CSMD2: variants seen among roughly 807,000 people sequenced by gnomAD.
The protein encoded by CSMD2 is CUB and Sushi multiple domains 2, also known as CUB and sushi domain-containing protein 2.
Under a neutral mutation model 398.5 loss-of-function variants are expected in CSMD2, and 130 were observed. That is an observed-to-expected ratio of 0.33 (90% CI 0.28 to 0.38). The LOEUF (loss-of-function observed/expected upper bound fraction) is 0.38, where lower values mean the gene tolerates loss of function less well. Ranked by LOEUF, CSMD2 falls within the 10% of genes least tolerant of loss-of-function variation. CSMD2 has a pLI of 1.00. For synonymous variants in CSMD2, 1,828 were observed against 1,908.5 expected (o/e 0.96, Z 1.10); for missense variants, 3,829 against 4,764.9 (o/e 0.80, Z 5.78).
chr1:33,548,752 T>C (rs1657148628), intron 56 of CSMD2, among the ~76,000 whole-genome samples: 1 of 152,246 alleles, frequency 6.6e-6, no homozygotes, highest in Admixed American at 6.5e-5. Flanking sequence ...AGCCTTTGCG[T>C]ACATTGAATT....
intron 5 of CSMD2, among the ~76,000 whole-genome samples, chr1:33,871,382 A>G (rs1375811896): frequency 6.6e-6 from 1 of 152,172 alleles, no homozygotes; most frequent in Non-Finnish European, 1.5e-5. Flanking sequence ...GGGGGCTTAA[A>G]AGAAGTGATG....
At position 33,567,740 on chromosome 1, in the gene CSMD2, T is replaced by C. The variant is rs764353635; in HGVS notation, c.8233A>G (p.Ile2745Val). ...KAGHCGTPEP[I>V]VNGHINGENY... ...TCCCCATTGATGTGTCCGTTGACAA[T>C]GGGCTCAGGAGTCCCACAGTGTCCA... is the stretch of plus-strand genomic sequence containing the variant. The change falls in exon 53 of 71, where the codon ATT becomes GTT. Residue 2745 changes from isoleucine to valine, a missense_variant. Transcript: ENST00000373381. 1.2e-5 allele frequency: 20 copies of C among 1,614,058 alleles called. No individual in the cohort carries two copies. The highest frequency in any genetic ancestry group is 1.7e-5 in the Non-Finnish European group (20 of 1,180,018).
At chr1:33,874,821 G>T (rs925786947) in intron 5 of CSMD2, among the ~76,000 whole-genome samples, 1 of 152,322 alleles carries the variant, frequency 6.6e-6, no homozygotes, top group Non-Finnish European at 1.5e-5. Context: ...ATGTTACAAC[G>T]AACAGATGCG....
intron 2 of CSMD2, among the ~76,000 whole-genome samples, chr1:34,074,249 T>G (rs1656064603): frequency 6.6e-6 from 1 of 152,250 alleles, no homozygotes; most frequent in Non-Finnish European, 1.5e-5. Flanking sequence ...GCAAAGAGAA[T>G]TAATACTACC....
chr1:33,667,243 C>T (rs1380055594), intron 25 of CSMD2, among the ~76,000 whole-genome samples: 1 of 152,138 alleles, frequency 6.6e-6, no homozygotes, highest in Non-Finnish European at 1.5e-5. Context: ...GAATGAAACC[C>T]CAGTCTGACA....
chr1:33,612,996 A>G (rs910009851), intron 40 of CSMD2, among the ~76,000 whole-genome samples: 21 of 152,238 alleles, frequency 1.4e-4, no homozygotes, highest in African/African-American at 5.1e-4. Flanking sequence ...AGGCCCACAG[A>G]AGGGGCTCTT....
chr1:33,933,404 G>A (rs534559564), intron 4 of CSMD2, among the ~76,000 whole-genome samples: 9 of 152,276 alleles, frequency 5.9e-5, no homozygotes, highest in South Asian at 4.2e-4. Flanking sequence ...TGATACCCCC[G>A]CTGCATCCAG....
intron 1 of CSMD2, among the ~76,000 whole-genome samples, chr1:34,137,386 T>C (rs552131889): frequency 3.3e-5 from 5 of 152,320 alleles, no homozygotes; most frequent in African/African-American, 1.2e-4. Flanking sequence ...TAACAGCAAG[T>C]CTTTTTCCAC....
intron 5 of CSMD2, among the ~76,000 whole-genome samples, chr1:33,852,239 T>C (rs1002451525): frequency 2.0e-5 from 3 of 152,230 alleles, no homozygotes; most frequent in Admixed American, 6.5e-5. Flanking sequence ...ACTACAGAGA[T>C]GGGCTTCTGA....
chr1:33,814,399 T>C (rs929234859), intron 9 of CSMD2, among the ~76,000 whole-genome samples: 59 of 152,216 alleles, frequency 3.9e-4, no homozygotes, highest in Non-Finnish European at 7.1e-4. Flanking sequence ...CATTTATCTC[T>C]ATTAGCTCAC....
intron 44 of CSMD2, among the ~76,000 whole-genome samples, chr1:33,591,076 C>T (rs1416643662): frequency 6.8e-6 from 1 of 147,652 alleles, no homozygotes; most frequent in Non-Finnish European, 1.5e-5. Flanking sequence ...GCAACCTCCA[C>T]CTCCTGGTTT....
chr1:33,645,344 TACAC>T (rs4044501), intron 29 of CSMD2, among the ~76,000 whole-genome samples: 41,192 of 136,066 alleles, frequency 0.3, 6,190 homozygotes, highest in Admixed American at 0.4. Flanking sequence ...TGGAGCATTA[TACAC>T]ACACACACAC....
At chr1:33,848,078 T>C (rs899067022) in intron 5 of CSMD2, among the ~76,000 whole-genome samples, 1 of 152,206 alleles carries the variant, frequency 6.6e-6, no homozygotes, top group East Asian at 1.9e-4. Context: ...TAGGTCCTTA[T>C]ACCCTTTCTC....
intron 2 of CSMD2, among the ~76,000 whole-genome samples, chr1:34,084,703 T>C (rs1657655013): frequency 6.6e-6 from 1 of 151,948 alleles, no homozygotes; most frequent in African/African-American, 2.4e-5. Flanking sequence ...CCAGTTAGAA[T>C]GGCGATCATT....
At chr1:33,526,473 A>T (rs1246961370) in intron 65 of CSMD2, among the ~76,000 whole-genome samples, 1 of 152,224 alleles carries the variant, frequency 6.6e-6, no homozygotes, top group Non-Finnish European at 1.5e-5. Context: ...TAATGTTGTA[A>T]ATTGTATGTT....
intron 4 of CSMD2, among the ~76,000 whole-genome samples, chr1:33,927,077 G>A (rs947866047): frequency 1.3e-5 from 2 of 152,164 alleles, no homozygotes; most frequent in African/African-American, 4.8e-5. Context: ...GGCCCCAAAG[G>A]AGAAGCCACC....
At chr1:33,837,544 C>T (rs565138606) in intron 6 of CSMD2, among the ~76,000 whole-genome samples, 6 of 152,130 alleles carry the variant, frequency 3.9e-5, no homozygotes, top group South Asian at 2.1e-4. Flanking sequence ...TGCACACCCC[C>T]GATAGTATGC....
At chr1:33,908,571 T>C (rs571763268) in intron 5 of CSMD2, among the ~76,000 whole-genome samples, 10 of 152,358 alleles carry the variant, frequency 6.6e-5, no homozygotes, top group African/African-American at 2.4e-4. Flanking sequence ...CAGCTTCCCA[T>C]GCACAGAACT....
chr1:34,076,562 G>T (rs111889734), intron 2 of CSMD2, among the ~76,000 whole-genome samples: 1 of 152,080 alleles, frequency 6.6e-6, no homozygotes, highest in Non-Finnish European at 1.5e-5. Context: ...TCCCCTGGGG[G>T]ACAAAACTGC....
Sources: allele counts gnomAD v4.1 joint callset (sites outside exome capture counted in the v4.1 genomes callset), GRCh38; gene constraint gnomAD v4.1.1; transcripts MANE v1.5; gene names NCBI Gene and HGNC (gene_info 2026-07-23, HGNC 2026-07-21).